LIN28B: variants seen among roughly 807,000 people sequenced by gnomAD.
The protein encoded by LIN28B is protein lin-28 homolog B.
In LIN28B, 5 loss-of-function variants were observed where a neutral mutation model predicts 21.9. The observed-to-expected ratio is 0.23, with a 90% confidence interval of 0.12 to 0.48. The LOEUF is 0.48. Among genes scored for constraint, LIN28B ranks in the 20% least tolerant of loss-of-function variants. The probability of loss-of-function intolerance (pLI) is 0.98; values close to 1 mark genes in which losing one functional copy is unlikely to be tolerated. For synonymous variants in LIN28B, 109 were observed against 111.3 expected, an observed-to-expected ratio of 0.98 and a Z score of 0.13; for missense variants, 245 against 310.5, an observed-to-expected ratio of 0.79 and a Z score of 1.58.
At chr6:104,998,898 C>T (rs1297821955) in intron 2 of LIN28B, among the ~76,000 whole-genome samples, 3 of 151,950 alleles carry the variant, frequency 2.0e-5, no homozygotes, top group Non-Finnish European at 4.4e-5. Context: ...TATTACTAGA[C>T]TTAAATAGCT....
chr6:104,973,045 A>G (rs1770011993), intron 2 of LIN28B, among the ~76,000 whole-genome samples: 1 of 151,238 alleles, frequency 6.6e-6, no homozygotes, highest in Non-Finnish European at 1.5e-5. Flanking sequence ...TGGGAGTCAG[A>G]GGTTGCAGCG....
intron 3 of LIN28B, among the ~76,000 whole-genome samples, chr6:105,062,864 TTTGA>T (rs1772148871): frequency 6.6e-6 from 1 of 152,168 alleles, no homozygotes; most frequent in African/African-American, 2.4e-5. Flanking sequence ...GAATGATCAA[TTTGA>T]TTGATTTTTT....
At chr6:104,958,037 TA>T in intron 1 of LIN28B, 61 bp from the exon 2 acceptor site, 2 of 1,221,652 alleles carry the variant, frequency 1.6e-6, no homozygotes, top group East Asian at 2.8e-5. Context: ...TTTTTTTTTT[TA>T]ATCTTTGAAT....
chr6:104,950,925 T>C (rs1041699648), intron 3 of LIN28B, among the ~76,000 whole-genome samples: 7 of 152,338 alleles, frequency 4.6e-5, no homozygotes, highest in Admixed American at 2.6e-4. Context: ...AATGGAGACA[T>C]GGTGCTGTTT....
intron 2 of LIN28B, among the ~76,000 whole-genome samples, chr6:105,021,176 G>A (rs778952138): frequency 3.3e-5 from 5 of 151,900 alleles, no homozygotes; most frequent in African/African-American, 9.7e-5. Flanking sequence ...CCTGCAGTCC[G>A]TTAATGTTGC....
upstream of LIN28B, among the ~76,000 whole-genome samples, chr6:104,955,090 A>G (rs1408623733): frequency 1.3e-5 from 2 of 152,178 alleles, no homozygotes; most frequent in East Asian, 3.8e-4. Context: ...TTTTAAAGTG[A>G]TTATTAAAAT....
intron 3 of LIN28B, among the ~76,000 whole-genome samples, chr6:105,032,981 C>G: frequency 6.6e-6 from 1 of 152,076 alleles, no homozygotes; most frequent in East Asian, 1.9e-4. Flanking sequence ...TATTTTCTCC[C>G]TGACTGTGGC....
intron 3 of LIN28B, among the ~76,000 whole-genome samples, chr6:105,072,861 CAA>C: frequency 6.6e-6 from 1 of 152,152 alleles, no homozygotes; most frequent in South Asian, 2.1e-4. Flanking sequence ...TGTGACTCAT[CAA>C]AGTTTCCTAA....
At chr6:105,039,037 A>C (rs1246207716) in intron 3 of LIN28B, among the ~76,000 whole-genome samples, 1 of 152,164 alleles carries the variant, frequency 6.6e-6, no homozygotes. Context: ...TAGATTTTTC[A>C]TGGCAGTGTT....
rs375657766 is a variant in LIN28B, at chr6:104,958,301, T to C, written c.198+15T>C. 8.4e-6 allele frequency: 13 copies of C among 1,542,490 alleles called. No homozygotes were observed. Among genetic ancestry groups the C allele is most frequent in the Non-Finnish European group, 8.8e-6 (10 of 1,130,950 alleles). ...TTGTACACCAAGTAAGCCAAACTTT[T>C]TTGTCCCCCTCTTCATCTTTTTCCA... On this transcript the variant is annotated intron_variant, in intron 2 of 3. Coordinates refer to ENST00000345080, the MANE Select transcript of LIN28B (RefSeq NM_001004317.4).
At chr6:104,979,854 A>G (rs1166985559) in intron 2 of LIN28B, among the ~76,000 whole-genome samples, 1 of 152,212 alleles carries the variant, frequency 6.6e-6, no homozygotes, top group East Asian at 1.9e-4. Context: ...GATATTCTGT[A>G]TTATTTCTTA....
chr6:105,075,036 AAAT>A (rs1184077387), intron 3 of LIN28B, among the ~76,000 whole-genome samples: 1 of 152,228 alleles, frequency 6.6e-6, no homozygotes, highest in African/African-American at 2.4e-5. Flanking sequence ...ATGCATGAGA[AAAT>A]ATCCTTTGTG....
intron 2 of LIN28B, among the ~76,000 whole-genome samples, chr6:104,992,997 A>G (rs1770526676): frequency 6.6e-6 from 1 of 152,104 alleles, no homozygotes; most frequent in Non-Finnish European, 1.5e-5. Flanking sequence ...TTCTTTTAAT[A>G]TAGTTGAATT....
intron 2 of LIN28B, among the ~76,000 whole-genome samples, chr6:104,991,573 C>A (rs1245447714): frequency 6.6e-6 from 1 of 151,932 alleles, no homozygotes; most frequent in Non-Finnish European, 1.5e-5. Flanking sequence ...AGAAGATGGG[C>A]GGCCGGGCAG....
chr6:104,970,112 T>A (rs1363633894), intron 2 of LIN28B, among the ~76,000 whole-genome samples: 2 of 152,204 alleles, frequency 1.3e-5, no homozygotes, highest in Non-Finnish European at 2.9e-5. Context: ...AGTAAAAGCT[T>A]CAATATTGTT....
rs1458981954 is a variant in LIN28B, at chr6:105,078,400, T to A, written c.384-14T>A. On this transcript the variant is annotated splice_polypyrimidine_tract_variant and intron_variant, in intron 3 of 3. Transcript: ENST00000345080. The stretch of plus-strand genomic sequence containing the variant: ...TGCCTACTTCTAAGATGTTTTCATC[T>A]TTTTTCCTTGTAGATGCTACAACTG... 6 of 1,581,186 alleles carry A rather than the reference T, an allele frequency of 3.8e-6. No homozygotes were observed. In the African/African-American group the frequency reaches 5.4e-5, roughly 14 times the overall value.
upstream of LIN28B, among the ~76,000 whole-genome samples, chr6:104,953,809 G>A (rs1778251243): frequency 6.6e-6 from 1 of 152,154 alleles, no homozygotes; most frequent in Admixed American, 6.6e-5. Context: ...GGGGAGGAGA[G>A]GACGGGTGGA....
At chr6:105,027,864 T>C (rs1771319933) in intron 3 of LIN28B, among the ~76,000 whole-genome samples, 1 of 152,182 alleles carries the variant, frequency 6.6e-6, no homozygotes, top group African/African-American at 2.4e-5. Context: ...CAGTTATCTC[T>C]GTAGCACTTG....
chr6:105,030,592 C>CTTTTTTTTTT (rs980799980), intron 3 of LIN28B, among the ~76,000 whole-genome samples: 9 of 106,596 alleles, frequency 8.4e-5, no homozygotes, highest in African/African-American at 1.8e-4. Flanking sequence ...TTCTTTCTTT[C>CTTTTTTTTTT]TTTTTTTTTT....
Sources: allele counts gnomAD v4.1 joint callset (sites outside exome capture counted in the v4.1 genomes callset), GRCh38; gene constraint gnomAD v4.1.1; transcripts MANE v1.5; gene names NCBI Gene and HGNC (gene_info 2026-07-23, HGNC 2026-07-21).